GIT2: variants seen among roughly 807,000 people sequenced by gnomAD.
GIT2 encodes ARF GTPase-activating protein GIT2.
A neutral mutation model predicts 100.3 loss-of-function variants in GIT2; 32 were observed. The ratio of observed to expected loss-of-function variants is 0.32; its 90% confidence interval spans 0.24 to 0.43. GIT2 has a LOEUF of 0.43. Ranked by LOEUF, GIT2 falls within the 20% of genes least tolerant of loss-of-function variation. GIT2 has a pLI of 1.00. For synonymous variants in GIT2, 353 were observed against 364.1 expected, an observed-to-expected ratio of 0.97 and a Z score of 0.35; for missense variants, 737 against 975.1, an observed-to-expected ratio of 0.76 and a Z score of 3.25.
At chr12:109,937,548 G>C (rs1873396078) in intron 18 of GIT2, among the ~76,000 whole-genome samples, 1 of 152,066 alleles carries the variant, frequency 6.6e-6, no homozygotes, top group Non-Finnish European at 1.5e-5. Flanking sequence ...CAACTCACCG[G>C]AAGTTCTCAG....
intron 7 of GIT2, among the ~76,000 whole-genome samples, chr12:109,968,288 G>C (rs777007461): frequency 1.3e-5 from 2 of 151,350 alleles, no homozygotes; most frequent in Non-Finnish European, 2.9e-5. Flanking sequence ...GGTATGCTGT[G>C]GCATCTCATT....
rs979820396 is a variant in GIT2, at chr12:109,934,102, G to T, written c.2004-17C>A. On this transcript the variant is annotated splice_polypyrimidine_tract_variant and intron_variant, in intron 18 of 19. Transcript: ENST00000355312. This position sits in a 1 kb window ranked among gnomAD's most constrained non-coding sequence, Gnocchi z 4.5. ...GGAATATAACTGCAAGAATATTGAAGAAGTTATTCAATGACAGTAAAAATG... is the reference window on the plus strand; with the variant it reads ...GGAATATAACTGCAAGAATATTGAATAAGTTATTCAATGACAGTAAAAATG... The T allele has an allele frequency of 2.2e-6, 3 of 1,392,686 alleles. No individual in the cohort carries two copies. The highest frequency in any genetic ancestry group is 3.1e-6 in the Non-Finnish European group (3 of 978,568). 86.3% of individuals were successfully genotyped at this position (1,392,686 alleles called of 1,614,324 possible).
chr12:109,949,323 G>A (rs1877208534), intron 14 of GIT2, among the ~76,000 whole-genome samples: 1 of 152,226 alleles, frequency 6.6e-6, no homozygotes, highest in Admixed American at 6.5e-5. Flanking sequence ...ACTGGTGCAT[G>A]TGATCACGTG....
upstream of GIT2, chr12:109,999,550 C>G: frequency 1.8e-6 from 1 of 570,826 alleles, no homozygotes; most frequent in South Asian, 6.4e-5. The surrounding 1 kb of genome is among the most constrained non-coding windows in gnomAD (Gnocchi z 4.3). Context: ...CCGCACCCGA[C>G]CGGCTCAGCC....
intron 16 of GIT2, among the ~76,000 whole-genome samples, chr12:109,945,022 T>C: frequency 6.6e-6 from 1 of 152,190 alleles, no homozygotes. Context: ...TTGCAAACTT[T>C]GTTAAATATG....
intron 7 of GIT2, among the ~76,000 whole-genome samples, chr12:109,972,651 C>T (rs954241883): frequency 3.3e-5 from 5 of 151,510 alleles, no homozygotes; most frequent in East Asian, 3.9e-4. Context: ...TTAGTAGAGA[C>T]GGGGTTTCAC....
rs1876877301 is a variant in GIT2, at chr12:109,948,250, G to A, written c.1393-746C>T. The A allele has an allele frequency of 3.0e-6, 3 of 985,964 alleles. No homozygotes were observed. The highest frequency in any genetic ancestry group is 4.7e-5 in the South Asian group (1 of 21,320). 61.1% of individuals were successfully genotyped at this position (985,964 alleles called of 1,614,324 possible). A position where few individuals can be genotyped will look rare whatever the true frequency, so the allele number is the denominator to read the frequency against. ...TTCGCATGGATGCTCCACGCAGCAC[G>A]CTTGCTTCCGTCTGGTGAGTGATCA... On this transcript the variant is annotated intron_variant, in intron 14 of 19. Transcript: ENST00000355312. The surrounding 1 kb of genome is among the most constrained non-coding windows in gnomAD (Gnocchi z 4.3).
At chr12:109,985,129 T>A (rs972132965) in intron 4 of GIT2, among the ~76,000 whole-genome samples, 7 of 152,204 alleles carry the variant, frequency 4.6e-5, no homozygotes, top group Admixed American at 2.0e-4. Context: ...AGTTTAATTT[T>A]TTAAATAGTT....
At chr12:109,974,859 T>C (rs1031009953) in intron 7 of GIT2, among the ~76,000 whole-genome samples, 8 of 152,196 alleles carry the variant, frequency 5.3e-5, no homozygotes, top group Non-Finnish European at 1.0e-4. Flanking sequence ...AAAAGATGAG[T>C]GTAGAGTCTC....
rs1052379347 is a variant in GIT2 at position 109,967,072 on chromosome 12, C to T, written c.764+386G>A. 7.9e-5 allele frequency among the ~76,000 whole-genome samples: 12 copies of T among 152,276 alleles called. No homozygotes were observed. In the South Asian group the frequency reaches 8.3e-4, roughly 11 times the overall value. ...CAGTAGAGTTAAGCTGTTGCGAAAG[C>T]GGCCATATTACCCACAAAGTCTAAA... is the stretch of plus-strand genomic sequence containing the variant. On this transcript the variant is annotated intron_variant, in intron 8 of 19. Coordinates refer to ENST00000355312, the MANE Select transcript of GIT2 (RefSeq NM_057169.5).
At chr12:109,936,430 A>G (rs1873007741) in intron 18 of GIT2, among the ~76,000 whole-genome samples, 1 of 152,254 alleles carries the variant, frequency 6.6e-6, no homozygotes, top group South Asian at 2.1e-4. Context: ...TGACAAAGAC[A>G]GCAATATAAG....
chr12:109,950,436 G>A (rs913680798), intron 14 of GIT2, among the ~76,000 whole-genome samples: 8 of 152,170 alleles, frequency 5.3e-5, no homozygotes, highest in Admixed American at 2.0e-4. Flanking sequence ...GCAATTTTTC[G>A]AATTCCCTTA....
At chr12:109,965,273 A>C (rs1220283058) in intron 9 of GIT2, among the ~76,000 whole-genome samples, 1 of 152,206 alleles carries the variant, frequency 6.6e-6, no homozygotes, top group Non-Finnish European at 1.5e-5. Context: ...CCTAATGCCA[A>C]AGGTGCCATC....
intron 6 of GIT2, chr12:109,982,439 A>G (rs1014561788): frequency 1.3e-5 from 2 of 152,160 alleles, no homozygotes; most frequent in African/African-American, 2.4e-5. Flanking sequence ...AAATTCTGGG[A>G]AGGCAGAGTT....
intron 7 of GIT2, among the ~76,000 whole-genome samples, chr12:109,975,102 C>T (rs926755228): frequency 2.0e-5 from 3 of 152,130 alleles, no homozygotes; most frequent in Non-Finnish European, 4.4e-5. Flanking sequence ...TTTCCTGAGC[C>T]TTTACATGGT....
intron 7 of GIT2, among the ~76,000 whole-genome samples, chr12:109,976,308 G>A (rs1377300985): frequency 8.2e-5 from 11 of 134,824 alleles, no homozygotes; most frequent in East Asian, 6.2e-4. Flanking sequence ...TTTTTGAGAC[G>A]GAGTCTCACT....
intron 7 of GIT2, among the ~76,000 whole-genome samples, chr12:109,976,311 G>A (rs1210704536): frequency 7.1e-6 from 1 of 140,604 alleles, no homozygotes; most frequent in Non-Finnish European, 1.5e-5. Context: ...TTGAGACGGA[G>A]TCTCACTCTG....
intron 11 of GIT2, among the ~76,000 whole-genome samples, chr12:109,960,372 C>G (rs1880736266): frequency 1.3e-5 from 2 of 152,002 alleles, no homozygotes; most frequent in African/African-American, 4.8e-5. Context: ...GCCTGTAATC[C>G]CAGAACCTTG....
chr12:109,933,409 G>C lies in GIT2; in HGVS notation c.2068-219C>G. The C allele has an allele frequency of 4.2e-6, 2 of 474,800 alleles. No individual in the cohort carries two copies. The highest frequency in any genetic ancestry group is 7.5e-6 in the Non-Finnish European group (2 of 267,544). 29.4% of individuals were successfully genotyped at this position (474,800 alleles called of 1,614,324 possible). A position where few individuals can be genotyped will look rare whatever the true frequency, so the allele number is the denominator to read the frequency against. Reference sequence around the variant, plus strand: ...ATTCAAAGGTCAAAGTGCATGCAGGGTAATTTTAGTAGTATGTGGTATTTT... The same window carrying C: ...ATTCAAAGGTCAAAGTGCATGCAGGCTAATTTTAGTAGTATGTGGTATTTT... On this transcript the variant is annotated intron_variant, in intron 19 of 19. Transcript: ENST00000355312. This position sits in a 1 kb window ranked among gnomAD's most constrained non-coding sequence, Gnocchi z 4.5.
Sources: allele counts gnomAD v4.1 joint callset (sites outside exome capture counted in the v4.1 genomes callset), GRCh38; gene constraint gnomAD v4.1.1; non-coding constraint Gnocchi (gnomAD v3.1); transcripts MANE v1.5; gene names NCBI Gene and HGNC (gene_info 2026-07-23, HGNC 2026-07-21).